RABEP1: variants seen among roughly 807,000 people sequenced by gnomAD.
RABEP1 encodes rabaptin, RAB GTPase binding effector protein 1.
A neutral mutation model predicts 123.4 loss-of-function variants in RABEP1; 51 were observed. The ratio of observed to expected loss-of-function variants is 0.41; its 90% CI spans 0.33 to 0.52. The LOEUF (loss-of-function observed/expected upper bound fraction) is 0.52. RABEP1 is among the 20% of genes least tolerant of loss of function. RABEP1 has a pLI of 0.16. For synonymous variants in RABEP1, 347 were observed against 355.2 expected, an observed-to-expected ratio of 0.98 and a Z score of 0.26; for missense variants, 888 against 996.3, an observed-to-expected ratio of 0.89 and a Z score of 1.46.
At chr17:5,325,276 C>T (rs901051948) in intron 2 of RABEP1, among the ~76,000 whole-genome samples, 1 of 151,938 alleles carries the variant, frequency 6.6e-6, no homozygotes, top group African/African-American at 2.4e-5. Context: ...GTGGAGGTTG[C>T]AGTGAGCCAA....
At chr17:5,328,042 A>AT (rs2144587563) in intron 2 of RABEP1, among the ~76,000 whole-genome samples, 1 of 152,374 alleles carries the variant, frequency 6.6e-6, no homozygotes, top group East Asian at 1.9e-4. Context: ...TTAATGAGTG[A>AT]AGTAGTTATC....
intron 4 of RABEP1, among the ~76,000 whole-genome samples, chr17:5,335,595 C>A (rs1315917132): frequency 1.3e-5 from 2 of 152,146 alleles, no homozygotes; most frequent in Non-Finnish European, 2.9e-5. Flanking sequence ...ACATTGCAAC[C>A]TGCCAACTTC....
intron 1 of RABEP1, among the ~76,000 whole-genome samples, chr17:5,282,725 G>C (rs561016512): frequency 3.3e-3 from 489 of 149,176 alleles, no homozygotes; most frequent in Middle Eastern, 0.01. Flanking sequence ...GGGGCGGGAG[G>C]CGCGGGTGCA....
At chr17:5,288,464 C>T (rs1253460317) in intron 1 of RABEP1, among the ~76,000 whole-genome samples, 2 of 152,182 alleles carry the variant, frequency 1.3e-5, no homozygotes, top group Admixed American at 6.5e-5. Flanking sequence ...GGCACTATCT[C>T]GGCTCACTGG....
intron 4 of RABEP1, 25 bp from the exon 5 acceptor site, chr17:5,337,994 A>G: frequency 6.3e-7 from 1 of 1,589,026 alleles, no homozygotes; most frequent in Non-Finnish European, 8.5e-7. Flanking sequence ...AATAAGTCGT[A>G]GCATTTAATT....
intron 8 of RABEP1, among the ~76,000 whole-genome samples, chr17:5,355,041 A>G (rs1310399882): frequency 1.3e-5 from 2 of 152,184 alleles, no homozygotes; most frequent in Non-Finnish European, 2.9e-5. Context: ...ACAGTGTGGC[A>G]AGGGCCTCCT....
intron 2 of RABEP1, among the ~76,000 whole-genome samples, chr17:5,329,697 G>A (rs778311087): frequency 2.0e-5 from 3 of 151,670 alleles, no homozygotes; most frequent in Non-Finnish European, 4.4e-5. Flanking sequence ...TCCTACTGTT[G>A]GCAAACATAA....
At chr17:5,357,748 TACTC>T (rs1361186338) in intron 8 of RABEP1, among the ~76,000 whole-genome samples, 1 of 152,128 alleles carries the variant, frequency 6.6e-6, no homozygotes, top group South Asian at 2.1e-4. Context: ...AGTTTTGTGT[TACTC>T]ACAGTTCTCC....
intron 1 of RABEP1, among the ~76,000 whole-genome samples, chr17:5,307,932 G>A (rs1314831841): frequency 6.6e-6 from 1 of 152,042 alleles, no homozygotes; most frequent in Non-Finnish European, 1.5e-5. Context: ...TTTTGAAGTT[G>A]GAAGAATAGT....
At chr17:5,378,751 C>T (rs895809955) in intron 15 of RABEP1, 2 of 169,474 alleles carry the variant, frequency 1.2e-5, no homozygotes, top group Admixed American at 6.5e-5. Context: ...CCTTAAGTTC[C>T]TTGACCACAA....
At chr17:5,304,982 A>T (rs973877420) in intron 1 of RABEP1, among the ~76,000 whole-genome samples, 3 of 152,206 alleles carry the variant, frequency 2.0e-5, no homozygotes, top group Non-Finnish European at 4.4e-5. Flanking sequence ...AGTTTGTTCT[A>T]TATGCCACAC....
chr17:5,329,180 TGTA>T (rs1232991158), intron 2 of RABEP1, among the ~76,000 whole-genome samples: 2 of 152,134 alleles, frequency 1.3e-5, no homozygotes, highest in Non-Finnish European at 2.9e-5. Flanking sequence ...CGTTAGATAA[TGTA>T]GTATTTCTGG....
At chr17:5,320,036 C>T (rs765266689) in intron 2 of RABEP1, among the ~76,000 whole-genome samples, 1 of 151,956 alleles carries the variant, frequency 6.6e-6, no homozygotes, top group Non-Finnish European at 1.5e-5. Flanking sequence ...GGCCAGAGGA[C>T]ACCAAAGAGA....
Position 5,350,432 on chromosome 17 carries a change from TG to T in RABEP1, c.785-12del, listed in dbSNP as rs756087430. ...AAAATTCAGTGTTTTTGATTTGTGG[TG>T]GGGGGGTTCCTAAACAGTTTGCCAT... On this transcript the variant is annotated intron_variant, in intron 6 of 17. Transcript: ENST00000537505. 1.9e-6 allele frequency: 3 copies of T among 1,587,456 alleles called. No individual in the cohort carries two copies. The highest frequency in any genetic ancestry group is 2.6e-6 in the Non-Finnish European group (3 of 1,169,764).
intron 15 of RABEP1, chr17:5,378,600 G>C: frequency 3.3e-6 from 1 of 299,308 alleles, no homozygotes; most frequent in South Asian, 3.1e-5. Context: ...AGTCCTCTTA[G>C]ACATCATTAG....
intron 2 of RABEP1, among the ~76,000 whole-genome samples, chr17:5,328,637 C>A (rs1215520102): frequency 9.7e-6 from 1 of 103,610 alleles, no homozygotes; most frequent in Admixed American, 1.4e-4. Context: ...TAGAGTGAGA[C>A]GCTGTGTTAA....
chr17:5,363,369 G>C (rs117150586), intron 10 of RABEP1, among the ~76,000 whole-genome samples: 1 of 151,916 alleles, frequency 6.6e-6, no homozygotes, highest in African/African-American at 2.4e-5. Context: ...ACAGGGACAC[G>C]CCACCACCCC....
chr17:5,378,827 C>T (rs1371737048), intron 15 of RABEP1: 1 of 160,008 alleles, frequency 6.2e-6, no homozygotes, highest in Non-Finnish European at 1.4e-5. Context: ...TGAACTTCCC[C>T]TTTCATTCTG....
At chr17:5,300,615 C>G (rs1047533096) in intron 1 of RABEP1, among the ~76,000 whole-genome samples, 1 of 152,092 alleles carries the variant, frequency 6.6e-6, no homozygotes, top group Non-Finnish European at 1.5e-5. Flanking sequence ...CCAGGTTGAT[C>G]GTAAGCAGAT....
Sources: allele counts gnomAD v4.1 joint callset (sites outside exome capture counted in the v4.1 genomes callset), GRCh38; gene constraint gnomAD v4.1.1; transcripts MANE v1.5; gene names NCBI Gene and HGNC (gene_info 2026-07-23, HGNC 2026-07-21).